Variants in MAST1 observed in about 807,000 individuals in gnomAD.
MAST1 encodes the protein microtubule associated serine/threonine kinase 1, also known as microtubule-associated serine/threonine-protein kinase 1.
In MAST1, 40 loss-of-function variants were observed where a neutral mutation model predicts 124.6. The observed-to-expected ratio is 0.32, with a 90% CI of 0.25 to 0.42. MAST1 has a LOEUF of 0.42. Ranked by LOEUF, MAST1 falls within the 10% of genes least tolerant of loss-of-function variation. The pLI is 1.00. For missense variants in MAST1, 1,558 were observed against 2,181.9 expected (o/e 0.71, Z 5.70); for synonymous variants, 938 against 939.4 (o/e 1.00, Z 0.03).
intron 12 of MAST1, among the ~76,000 whole-genome samples, chr19:12,862,774 T>C (rs1970100981): frequency 6.6e-6 from 1 of 151,770 alleles, no homozygotes; most frequent in Non-Finnish European, 1.5e-5. Context: ...TTCAAGCGAT[T>C]CTCCTGCCTC....
At chr19:12,858,506 C>G in intron 11 of MAST1, 25 bp from the exon 12 acceptor site, 1 of 1,612,122 alleles carries the variant, frequency 6.2e-7, no homozygotes, top group Non-Finnish European at 8.5e-7. Context: ...AGGTGACGGC[C>G]GGTCCTCGCT....
rs767676816 is a variant in MAST1, at chr19:12,867,782, C to T, written c.2371C>T (p.Pro791Ser). Residue 791 changes from proline (P) to serine (S), a missense_variant, in exon 20 of 26, where the codon CCT (proline) becomes TCT (serine). By Grantham distance (74) the Pro-to-Ser change is moderately conservative. Transcript: ENST00000251472. Reference protein sequence around the residue: ...ASFLEGEASPPLGARRRFSAL... With the variant: ...ASFLEGEASPSLGARRRFSAL... ...TTTCCTGGAGGGAGAGGCCAGTCCCCCTTTGGGCGCCCGCCGCCGTTTCTC... is the reference window on the plus strand; with the variant it reads ...TTTCCTGGAGGGAGAGGCCAGTCCCTCTTTGGGCGCCCGCCGCCGTTTCTC... 7.7e-6 allele frequency: 12 copies of T among 1,562,448 alleles called. No individual in the cohort carries two copies. In the Admixed American group the frequency reaches 1.6e-4, roughly 21 times the overall value.
chr19:12,840,738 G>T (rs1208027381), intron 2 of MAST1, among the ~76,000 whole-genome samples: 2 of 152,016 alleles, frequency 1.3e-5, no homozygotes, highest in African/African-American at 4.8e-5. Flanking sequence ...GGTGGGCGGA[G>T]ACTCAGGTGG....
In MAST1 at chr19:12,841,111, C is replaced by T; in HGVS notation, c.248+45C>T. ...GGCCCCAGAACCCTGGGCAGACCCT[C>T]CCCAACCACTGTCTGGGCCGCCATC... is the stretch of plus-strand genomic sequence containing the variant. On this transcript the variant is annotated intron_variant, in intron 3 of 25. Coordinates refer to ENST00000251472, the MANE Select transcript of MAST1 (RefSeq NM_014975.3). This position sits in a 1 kb window ranked among gnomAD's most constrained non-coding sequence, Gnocchi z 4.3. The T allele has an allele frequency of 1.1e-6, 1 of 901,200 alleles. No homozygotes were observed. The highest frequency in any genetic ancestry group is 1.9e-6 in the Non-Finnish European group (1 of 537,796). 55.8% of individuals were successfully genotyped at this position (901,200 alleles called of 1,614,324 possible).
At chr19:12,840,048 C>T (rs1039812133) in intron 1 of MAST1, among the ~76,000 whole-genome samples, 18 of 152,202 alleles carry the variant, frequency 1.2e-4, no homozygotes, top group African/African-American at 3.9e-4. Flanking sequence ...TTGTGTCACA[C>T]GTATCACACT....
At chr19:12,852,980 TA>T (rs916207733) in intron 10 of MAST1, among the ~76,000 whole-genome samples, 2 of 151,840 alleles carry the variant, frequency 1.3e-5, no homozygotes, top group African/African-American at 2.4e-5. Flanking sequence ...TTTATTTATT[TA>T]TTTTTTGAGA....
rs11878910 is a variant in MAST1 at position 12,873,254 on chromosome 19, C to G, written c.3264-70C>G. 2,388 of 1,493,168 alleles carry G rather than the reference C, an allele frequency of 1.6e-3. 29 individuals are homozygous for G. In the African/African-American group the frequency reaches 0.029, roughly 18 times the overall value. 92.5% of individuals were successfully genotyped at this position (1,493,168 alleles called of 1,614,324 possible). On this transcript the variant is annotated intron_variant, in intron 24 of 25. Transcript: ENST00000251472. Reference sequence around the variant, plus strand: ...GGGTGGGTGGTTACCGTTGTGAGGCCGTGAAATGGGAGGAGCCCTGAGCTC... The same window carrying G: ...GGGTGGGTGGTTACCGTTGTGAGGCGGTGAAATGGGAGGAGCCCTGAGCTC...
intron 10 of MAST1, 110 bp downstream of exon 10, chr19:12,852,505 C>G: frequency 9.8e-7 from 1 of 1,022,470 alleles, no homozygotes; most frequent in Non-Finnish European, 1.5e-6. Context: ...GTCCTACACT[C>G]TGAGCCTCAG....
rs767536510 is a variant in MAST1, at chr19:12,874,333, G to C, written c.4176G>C (p.Gln1392His). The C allele has an allele frequency of 6.3e-7, 1 of 1,596,932 alleles. No individual in the cohort carries two copies. The change falls in exon 26 of 26, where the codon CAG becomes CAC. Residue 1392 changes from glutamine (Q) to histidine (H), a missense_variant. Transcript: ENST00000251472. The surrounding 1 kb of genome is among the most constrained non-coding windows in gnomAD (Gnocchi z 6.6). ...GGGACGTCGGCTGCACGCGGCATCA[G>C]AGCGTGCAGACGGAGGATGGCACTG... ...LERDVGCTRH[Q>H]SVQTEDGTGG...
At position 12,842,563 on chromosome 19, in the gene MAST1, G is replaced by A. The variant is rs143042418; in HGVS notation, c.249-966G>A. Among the ~76,000 whole-genome samples the A allele has an allele frequency of 7.9e-5, 12 of 152,266 alleles. No individual in the cohort carries two copies. The East Asian group carries it at 2.3e-3, about 29-fold the overall frequency. On this transcript the variant is annotated intron_variant, in intron 3 of 25. Transcript: ENST00000251472. Reference sequence around the variant, plus strand: ...CCGCCTCGGCCTCCCAAAATGCTAGGATTACAGGCATGAGCCACCGCGCCC... The same window carrying A: ...CCGCCTCGGCCTCCCAAAATGCTAGAATTACAGGCATGAGCCACCGCGCCC...
chr19:12,869,329 G>A (rs2145911392), intron 22 of MAST1, 34 bp downstream of exon 22: 1 of 1,566,018 alleles, frequency 6.4e-7, no homozygotes, highest in South Asian at 1.1e-5. Flanking sequence ...CCATCACAGA[G>A]TGGAGGGTGG....
chr19:12,852,791 G>C (rs997739698), intron 10 of MAST1, among the ~76,000 whole-genome samples: 1 of 151,890 alleles, frequency 6.6e-6, no homozygotes, highest in African/African-American at 2.4e-5. Context: ...AGAGATTGCT[G>C]TGAACTGAGA....
chr19:12,861,031 T>C (rs1463870572), intron 12 of MAST1, among the ~76,000 whole-genome samples: 1 of 151,838 alleles, frequency 6.6e-6, no homozygotes, highest in Admixed American at 6.6e-5. Flanking sequence ...AGACAGACAA[T>C]AAACAAGCAG....
At chr19:12,860,412 G>A (rs933322190) in intron 12 of MAST1, among the ~76,000 whole-genome samples, 9 of 150,040 alleles carry the variant, frequency 6.0e-5, no homozygotes, top group Middle Eastern at 3.5e-3. Flanking sequence ...CACCACACCC[G>A]GCTTATACAC....
In MAST1 at chr19:12,853,871, AAATAATAATAATAATAAT is replaced by A. The variant is rs58815071; in HGVS notation, c.1077+1498_1077+1515del. 2.6e-4 allele frequency among the ~76,000 whole-genome samples: 37 copies of A among 142,940 alleles called. No individual in the cohort carries two copies. The South Asian group carries it at 4.3e-3, about 16-fold the overall frequency. 93.8% of individuals were successfully genotyped at this position (142,940 alleles called of 152,430 possible). On this transcript the variant is annotated intron_variant, in intron 10 of 25. Transcript: ENST00000251472. The stretch of plus-strand genomic sequence containing the variant: ...GGCAACAGAGCGAGACTCTGTCTCA[AAATAATAATAATAATAAT>A]AATAATAATAATAATAATAATGATT...
In MAST1 at chr19:12,874,573, G is replaced by A. The variant is rs768630006; in HGVS notation, c.4416G>A (p.Glu1472=). The change falls in exon 26 of 26, where the codon GAG becomes GAA. Residue 1472 remains glutamate, a synonymous_variant. Transcript: ENST00000251472. This position sits in a 1 kb window ranked among gnomAD's most constrained non-coding sequence, Gnocchi z 6.6. ...EPAPLAPSVP[E]APRGRERWVL... ...CACCCCTGGCGCCTTCCGTGCCCGA[G>A]GCCCCCCGGGGCCGGGAGCGCTGGG... The A allele has an allele frequency of 6.6e-7, 1 of 1,506,806 alleles. No individual in the cohort carries two copies. Among genetic ancestry groups the A allele is most frequent in the Admixed American group, 2.3e-5 (1 of 44,348 alleles). 93.3% of individuals were successfully genotyped at this position (1,506,806 alleles called of 1,614,324 possible). A position where few individuals can be genotyped will look rare whatever the true frequency, so the allele number is the denominator to read the frequency against.
intron 12 of MAST1, among the ~76,000 whole-genome samples, chr19:12,859,415 C>A (rs1353793650): frequency 1.3e-5 from 2 of 152,088 alleles, no homozygotes; most frequent in Non-Finnish European, 2.9e-5. Flanking sequence ...GAGACAAGAT[C>A]TCACTCTGTT....
intron 1 of MAST1, among the ~76,000 whole-genome samples, chr19:12,839,161 C>T (rs1220807823): frequency 2.0e-5 from 3 of 151,860 alleles, no homozygotes; most frequent in Non-Finnish European, 4.4e-5. Context: ...ACAACCCCCC[C>T]CCCCGAACAC....
At position 12,847,164 on chromosome 19, in the gene MAST1, T is replaced by C; in HGVS notation, c.328-126T>C. On this transcript the variant is annotated intron_variant, in intron 4 of 25. Coordinates refer to ENST00000251472, the MANE Select transcript of MAST1 (RefSeq NM_014975.3). This position sits in a 1 kb window ranked among gnomAD's most constrained non-coding sequence, Gnocchi z 5.5. ...CAGCCAAGATCCTAGGATCCAAGGA[T>C]CGTAAATCAGGTCCTGATCCTGGCC... 2 of 664,518 alleles carry C rather than the reference T, an allele frequency of 3.0e-6. No homozygotes were observed. Among genetic ancestry groups the C allele is most frequent in the South Asian group, 3.6e-5 (2 of 55,830 alleles). 41.2% of individuals were successfully genotyped at this position (664,518 alleles called of 1,614,324 possible). A position where few individuals can be genotyped will look rare whatever the true frequency, so the allele number is the denominator to read the frequency against.
Sources: gnomAD v4.1 joint callset for allele counts (sites outside exome capture counted in the v4.1 genomes callset) on GRCh38, gnomAD v4.1.1 for gene constraint, Gnocchi (gnomAD v3.1) non-coding constraint, MANE v1.5 for transcripts, NCBI Gene and HGNC (gene_info 2026-07-23, HGNC 2026-07-21) for gene names.